ERAP1: variants seen among roughly 807,000 people sequenced by gnomAD.
ERAP1 encodes the protein endoplasmic reticulum aminopeptidase 1, also known as adipocyte-derived leucine aminopeptidase.
Under a neutral mutation model 103.7 loss-of-function variants are expected in ERAP1, and 86 were observed. The observed-to-expected ratio is 0.83, with a 90% CI of 0.70 to 0.99. The LOEUF is 0.99. ERAP1 is among the 50% of genes least tolerant of loss of function. ERAP1 has a pLI of 0.00. For synonymous variants in ERAP1, 398 were observed against 402.4 expected (o/e 0.99, Z 0.13); for missense variants, 1,009 against 1,128.4 (o/e 0.89, Z 1.52).
At chr5:96,884,081 TC>T in the ERAP1 span, 3 of 607,052 alleles carry the variant, frequency 4.9e-6, no homozygotes, top group African/African-American at 5.9e-5. Context: ...TATCTATCTA[TC>T]ATCATAATTT....
At chr5:96,851,576 T>C in the ERAP1 span, among the ~76,000 whole-genome samples, 1 of 152,204 alleles carries the variant, frequency 6.6e-6, no homozygotes, top group Admixed American at 6.5e-5. Context: ...GGCTGGATTC[T>C]ATAGGTTTGC....
chr5:96,887,100 TAC>T, the ERAP1 span, among the ~76,000 whole-genome samples: 2,596 of 137,118 alleles, frequency 0.019, 54 homozygotes, highest in African/African-American at 0.051. Flanking sequence ...TATATATATA[TAC>T]ACACACACAC....
At chr5:96,859,471 C>T in the ERAP1 span, among the ~76,000 whole-genome samples, 4 of 151,936 alleles carry the variant, frequency 2.6e-5, no homozygotes, top group Non-Finnish European at 5.9e-5. Context: ...CAAAGAAGAC[C>T]ATTCTCCTCT....
chr5:96,874,963 G>A, the ERAP1 span, among the ~76,000 whole-genome samples: 3 of 152,186 alleles, frequency 2.0e-5, no homozygotes, highest in Non-Finnish European at 1.5e-5. Flanking sequence ...ACAACTATAG[G>A]CTGGCATATA....
the ERAP1 span, chr5:96,895,161 A>AG: frequency 1.4e-5 from 11 of 775,018 alleles, no homozygotes; most frequent in Non-Finnish European, 2.3e-5. Flanking sequence ...TAATAAAAAA[A>AG]AAGTTAGTAA....
chr5:96,880,323 T>G, the ERAP1 span: 4 of 1,421,632 alleles, frequency 2.8e-6, no homozygotes, highest in African/African-American at 5.7e-5. Flanking sequence ...TTACATCTCT[T>G]TGCCAGGAGC....
the ERAP1 span, among the ~76,000 whole-genome samples, chr5:96,828,134 A>C: frequency 6.6e-6 from 1 of 152,226 alleles, no homozygotes; most frequent in Non-Finnish European, 1.5e-5. Context: ...AAACAGAACC[A>C]TTGAAAACGT....
the ERAP1 span, among the ~76,000 whole-genome samples, chr5:96,831,528 C>G: frequency 2.6e-5 from 4 of 152,126 alleles, no homozygotes; most frequent in Non-Finnish European, 4.4e-5. Flanking sequence ...GGAAAGAGCA[C>G]GTTCCTTTAA....
At chr5:96,848,623 T>C in the ERAP1 span, 2 of 152,202 alleles carry the variant, frequency 1.3e-5, no homozygotes, top group African/African-American at 4.8e-5. Context: ...TGAGTTACAA[T>C]ATTAAATCAG....
intron 19 of ERAP1, among the ~76,000 whole-genome samples, chr5:96,766,535 T>A (rs1162195919): frequency 6.6e-6 from 1 of 152,162 alleles, no homozygotes; most frequent in African/African-American, 2.4e-5. Flanking sequence ...TAGGGAAAAT[T>A]AATAAGGCAG....
At chr5:96,880,128 T>C in the ERAP1 span, 3 of 1,614,110 alleles carry the variant, frequency 1.9e-6, no homozygotes, top group Middle Eastern at 3.3e-4. Flanking sequence ...CATGAACAAA[T>C]TGCACTGCTG....
At chr5:96,793,724 A>G in intron 6 of ERAP1, 79 bp downstream of exon 6, 1 of 1,341,298 alleles carries the variant, frequency 7.5e-7, no homozygotes, top group Non-Finnish European at 1.0e-6. Context: ...AGTAAAAATT[A>G]TATAAATAGC....
At chr5:96,798,865 A>T (rs1777653908) in intron 3 of ERAP1, among the ~76,000 whole-genome samples, 2 of 84,382 alleles carry the variant, frequency 2.4e-5, no homozygotes, top group South Asian at 3.8e-4. Context: ...CTACAACAAA[A>T]ATTTCCTTTT....
At chr5:96,762,473 A>C (rs1355316927) in exon 20 of ERAP1, 2 of 736,872 alleles carry the variant, frequency 2.7e-6, no homozygotes, top group Non-Finnish European at 4.3e-6. Context: ...AGGCAGAATT[A>C]TTAGGAAGAT....
the ERAP1 span, among the ~76,000 whole-genome samples, chr5:96,922,428 G>C: frequency 1.3e-5 from 2 of 152,178 alleles, no homozygotes; most frequent in African/African-American, 4.8e-5. Flanking sequence ...CTCAAAAATG[G>C]AAAAAGGCCA....
At chr5:96,873,728 C>G in the ERAP1 span, 3 of 321,742 alleles carry the variant, frequency 9.3e-6, no homozygotes, top group Non-Finnish European at 1.9e-5. Context: ...TGCATTCACC[C>G]ACTCAACTAA....
the ERAP1 span, chr5:96,919,708 T>G: frequency 1.3e-5 from 2 of 152,420 alleles, no homozygotes; most frequent in African/African-American, 4.8e-5. Context: ...AATAAATGTA[T>G]TGTACTTATT....
chr5:96,774,456 G>A, downstream of ERAP1: 1 of 960,822 alleles, frequency 1.0e-6, no homozygotes, highest in Non-Finnish European at 1.2e-6. Context: ...GTCTAGTTAG[G>A]AGAGAGAAAA....
Position 96,774,814 on chromosome 5 carries a change from CTATT to C in ERAP1, c.*1578_*1581del, listed in dbSNP as rs1322090451. On this transcript the variant is annotated 3_prime_UTR_variant, in exon 19 of 19. Transcript: ENST00000443439. ...AAAAATTCCAATTCCACTTTTATAC[CTATT>C]TATTTGTTGTAGTGAATGGTTTAAT... 19 of 984,298 alleles carry C rather than the reference CTATT, an allele frequency of 1.9e-5. No homozygotes were observed. Among genetic ancestry groups the C allele is most frequent in the East Asian group, 1.1e-4 (1 of 8,934 alleles). 61.0% of individuals were successfully genotyped at this position (984,298 alleles called of 1,614,324 possible).
Sources: allele counts gnomAD v4.1 joint callset (sites outside exome capture counted in the v4.1 genomes callset), GRCh38; gene constraint gnomAD v4.1.1; transcripts MANE v1.5; gene names NCBI Gene and HGNC (gene_info 2026-07-23, HGNC 2026-07-21).